RCN1: variants seen among roughly 807,000 people sequenced by gnomAD.
The protein encoded by RCN1 is reticulocalbin-1.
A neutral mutation model predicts 34.7 loss-of-function variants in RCN1; 14 were observed. The observed-to-expected ratio is 0.40, with a 90% CI of 0.27 to 0.63. RCN1 has a LOEUF of 0.63. Among genes scored for constraint, RCN1 ranks in the 30% least tolerant of loss-of-function variants. The pLI, the probability that RCN1 is intolerant of heterozygous loss-of-function variation, is 0.37. For synonymous variants in RCN1, 125 were observed against 165.5 expected, an observed-to-expected ratio of 0.76 and a Z score of 1.88; for missense variants, 326 against 425.1, an observed-to-expected ratio of 0.77 and a Z score of 2.05.
chr11:32,098,604 G>T (rs759742197), intron 3 of RCN1, 76 bp downstream of exon 3: 5 of 1,222,076 alleles, frequency 4.1e-6, no homozygotes. Flanking sequence ...CTTCCAAAGA[G>T]AGAAGATTTT....
In RCN1 at chr11:32,105,615, T is replaced by G. The variant is rs537168432; in HGVS notation, c.*1143T>G. 58 of 152,324 alleles carry G rather than the reference T, an allele frequency of 3.8e-4. No individual in the cohort carries two copies. The highest frequency in any genetic ancestry group is 1.1e-3 in the Admixed American group (17 of 15,296). The allele number at this position is 152,324 out of a possible 1,614,324, so 9.4% of individuals were successfully genotyped here. ...TATAGCATAAAACAGTGGGGTTGGA[T>G]CCCATGAATAACATTATAAAGGTTC... On this transcript the variant is annotated 3_prime_UTR_variant, in exon 6 of 6. Coordinates refer to ENST00000054950, the MANE Select transcript of RCN1 (RefSeq NM_002901.4).
intron 1 of RCN1, among the ~76,000 whole-genome samples, chr11:32,094,071 G>A (rs966864914): frequency 5.9e-5 from 9 of 152,222 alleles, no homozygotes; most frequent in Non-Finnish European, 8.8e-5. Context: ...ATGTGGGGTA[G>A]AGGCGGGGTA....
chr11:32,096,006 C>T (rs1292200164), intron 1 of RCN1, among the ~76,000 whole-genome samples: 4 of 151,968 alleles, frequency 2.6e-5, no homozygotes, highest in African/African-American at 9.7e-5. Context: ...ACACCCTCCC[C>T]CACCTAAAAA....
At position 32,091,465 on chromosome 11, in the gene RCN1, A is replaced by G. The variant is rs2133470786; in HGVS notation, c.254+15A>G. 2 of 1,540,076 alleles carry G rather than the reference A, an allele frequency of 1.3e-6. No homozygotes were observed. Among genetic ancestry groups the G allele is most frequent in the South Asian group, 1.2e-5 (1 of 82,518 alleles). On this transcript the variant is annotated intron_variant, in intron 1 of 5. Coordinates refer to ENST00000054950, the MANE Select transcript of RCN1 (RefSeq NM_002901.4). ...GAGAGGCTAGGGTGAGGCCGCGGCC[A>G]GGGCCCCGTGGGGGGCGGCGCAGGT...
intron 1 of RCN1, among the ~76,000 whole-genome samples, chr11:32,094,912 A>C (rs1851955815): frequency 6.6e-6 from 1 of 152,196 alleles, no homozygotes; most frequent in South Asian, 2.1e-4. Context: ...GTTAAAGAGA[A>C]GGTTAAGATC....
chr11:32,102,894 A>G (rs1852062875), intron 4 of RCN1: 1 of 409,820 alleles, frequency 2.4e-6, no homozygotes, highest in Non-Finnish European at 4.7e-6. Flanking sequence ...CATTATTATT[A>G]GTTTTCGCTT....
chr11:32,098,187 G>C (rs1291101703), intron 2 of RCN1, among the ~76,000 whole-genome samples, 163 bp from the exon 3 acceptor site: 2 of 152,242 alleles, frequency 1.3e-5, no homozygotes, highest in Admixed American at 6.5e-5. Context: ...TGAAGGGACT[G>C]ATATTAGAGG....
chr11:32,094,824 G>A (rs527253838), intron 1 of RCN1, among the ~76,000 whole-genome samples: 9 of 152,316 alleles, frequency 5.9e-5, no homozygotes, highest in Non-Finnish European at 1.0e-4. Flanking sequence ...GAGGCAGGAC[G>A]GGGATCCAGG....
At chr11:32,099,362 C>G (rs1283937410) in intron 3 of RCN1, among the ~76,000 whole-genome samples, 3 of 151,708 alleles carry the variant, frequency 2.0e-5, no homozygotes, top group Non-Finnish European at 4.4e-5. Context: ...AAGTGAGCAA[C>G]TAGCTAGTCT....
rs1851936604 is a variant in RCN1, at chr11:32,092,794, A to T, written c.254+1344A>T. Among the ~76,000 whole-genome samples the T allele has an allele frequency of 2.0e-5, 3 of 152,122 alleles. No homozygotes were observed. The South Asian group carries it at 6.2e-4, about 32-fold the overall frequency. Reference sequence around the variant, plus strand: ...TGATTCCTGGGGGTGGAGGATCTTCATGTTCTGCCACATGAAAGAGAACAC... The same window carrying T: ...TGATTCCTGGGGGTGGAGGATCTTCTTGTTCTGCCACATGAAAGAGAACAC... On this transcript the variant is annotated intron_variant, in intron 1 of 5. Coordinates refer to ENST00000054950, the MANE Select transcript of RCN1 (RefSeq NM_002901.4).
chr11:32,102,307 G>A (rs1007672202), intron 4 of RCN1: 7 of 152,088 alleles, frequency 4.6e-5, no homozygotes, highest in Non-Finnish European at 8.8e-5. Flanking sequence ...ATTCGATGAA[G>A]CTCGAATTAG....
rs1232652840 is a variant in RCN1, at chr11:32,095,431, G to A, written c.255-1713G>A. On this transcript the variant is annotated intron_variant, in intron 1 of 5. Coordinates refer to ENST00000054950, the MANE Select transcript of RCN1 (RefSeq NM_002901.4). ...CTGGCTAATTTTTTTATTTTGAGAC[G>A]GAGTCTTGCCCTGTCGCCCAGGCTG... Among the ~76,000 whole-genome samples, 3 of 151,500 alleles carry A rather than the reference G, an allele frequency of 2.0e-5. 1 individual carries two copies. The highest frequency in any genetic ancestry group is 4.2e-4 in the South Asian group (2 of 4,784).
intron 1 of RCN1, 26 bp downstream of exon 1, chr11:32,091,476 G>C (rs1415125808): frequency 2.0e-6 from 3 of 1,537,330 alleles, no homozygotes; most frequent in African/African-American, 2.8e-5. Flanking sequence ...GGGCCCCGTG[G>C]GGGGCGGCGC....
At chr11:32,093,855 A>G (rs1252716316) in intron 1 of RCN1, among the ~76,000 whole-genome samples, 2 of 152,224 alleles carry the variant, frequency 1.3e-5, no homozygotes, top group Non-Finnish European at 2.9e-5. Flanking sequence ...GACCAGTGGC[A>G]GGGAGAGGAG....
chr11:32,102,850 A>G (rs564613587), intron 4 of RCN1: 1 of 359,796 alleles, frequency 2.8e-6, no homozygotes, highest in Non-Finnish European at 5.3e-6. Context: ...AGAACACTTT[A>G]TACAGTATCT....
intron 4 of RCN1, among the ~76,000 whole-genome samples, chr11:32,101,589 A>ACTTT (rs1373237230): frequency 6.6e-6 from 1 of 152,176 alleles, no homozygotes; most frequent in African/African-American, 2.4e-5. Context: ...TGAAGAGCAG[A>ACTTT]CTTTCCTCTA....
chr11:32,099,584 A>C (rs1289585579), intron 3 of RCN1, among the ~76,000 whole-genome samples: 2 of 152,180 alleles, frequency 1.3e-5, no homozygotes, highest in Non-Finnish European at 2.9e-5. Context: ...TGCTTTCCGT[A>C]GTGTCTTGTT....
At chr11:32,103,237 C>T in intron 4 of RCN1, 44 bp from the exon 5 acceptor site, 1 of 1,585,094 alleles carries the variant, frequency 6.3e-7, no homozygotes, top group Non-Finnish European at 8.7e-7. Context: ...GGGAGGTTTA[C>T]CTTCCCACTT....
chr11:32,094,119 G>A (rs1488956517), intron 1 of RCN1, among the ~76,000 whole-genome samples: 5 of 152,170 alleles, frequency 3.3e-5, no homozygotes, highest in African/African-American at 1.2e-4. Flanking sequence ...TTGGGATGGG[G>A]CTGAGTGTGA....
Sources: allele counts gnomAD v4.1 joint callset (sites outside exome capture counted in the v4.1 genomes callset), GRCh38; gene constraint gnomAD v4.1.1; transcripts MANE v1.5; gene names NCBI Gene and HGNC (gene_info 2026-07-23, HGNC 2026-07-21).